ACP2: variants seen among roughly 807,000 people sequenced by gnomAD.
ACP2 encodes lysosomal acid phosphatase.
A neutral mutation model predicts 54.7 loss-of-function variants in ACP2; 35 were observed. The observed-to-expected ratio is 0.64, with a 90% CI of 0.49 to 0.85. ACP2 has a LOEUF of 0.85. Among genes scored for constraint, ACP2 ranks in the 40% least tolerant of loss-of-function variants. The pLI is 0.00. For synonymous variants in ACP2, 210 were observed against 224.4 expected (o/e 0.94, Z 0.57); for missense variants, 492 against 565.0 (o/e 0.87, Z 1.31).
rs1388226509 is a variant in ACP2, at chr11:47,243,121, C to T, written c.859G>A (p.Asp287Asn). The change falls in exon 9 of 11, where the codon GAC (aspartate) becomes AAC (asparagine). Residue 287 changes from aspartate to asparagine, a missense_variant. Transcript: ENST00000672073. Reference protein sequence around the residue: ...LPKLLVYSAHDTTLVALQMAL... With the variant: ...LPKLLVYSAHNTTLVALQMAL... ...ATTTGCAGGGCAACCAGGGTAGTGT[C>T]GTGCTGCGGGGGAGAGGGGCTGCCC... 6.8e-6 allele frequency: 11 copies of T among 1,614,092 alleles called. No individual in the cohort carries two copies. Among genetic ancestry groups the T allele is most frequent in the African/African-American group, 4.0e-5 (3 of 74,950 alleles).
chr11:47,246,575 A>G (rs1954101490), intron 3 of ACP2, among the ~76,000 whole-genome samples: 1 of 151,760 alleles, frequency 6.6e-6, no homozygotes, highest in Non-Finnish European at 1.5e-5. Flanking sequence ...ACCCCTTTAA[A>G]ATATATGTAT....
chr11:47,245,774 C>T lies in ACP2; in HGVS notation c.358G>A (p.Gly120Arg), dbSNP rs1211109812. 1 of 1,612,148 alleles carries T rather than the reference C, an allele frequency of 6.2e-7. No individual in the cohort carries two copies. The highest frequency in any genetic ancestry group is 8.5e-7 in the Non-Finnish European group (1 of 1,178,950). The change falls in exon 4 of 11, where the codon GGA (glycine) becomes AGA (arginine). Residue 120 changes from glycine to arginine, a missense_variant. Transcript: ENST00000672073. ...TGCATCCCGTTGGGAGGGAAGAGTC[C>T]AGCCAGGTTGGCCTCAGCACTCATG... Reference protein sequence around the residue: ...TLMSAEANLAGLFPPNGMQRF... With the variant: ...TLMSAEANLARLFPPNGMQRF...
In ACP2 at chr11:47,240,122, G is replaced by A. The variant is rs147453428; in HGVS notation, c.1266C>T (p.His422=). The A allele has an allele frequency of 4.1e-4, 665 of 1,613,322 alleles. No homozygotes were observed. The highest frequency in any genetic ancestry group is 5.0e-4 in the Non-Finnish European group (590 of 1,179,834). The change falls in exon 11 of 11, where the codon CAC becomes CAT. Residue 422 remains histidine, a synonymous_variant. Coordinates refer to ENST00000672073, the MANE Select transcript of ACP2 (RefSeq NM_001610.4). Reference sequence around the variant, plus strand: ...GAAGGGGGCTGAGTGGTTGTCAGGCGTGGTCCTCCCCATCTGCGACGTGGC... The same window carrying A: ...GAAGGGGGCTGAGTGGTTGTCAGGCATGGTCCTCCCCATCTGCGACGTGGC... ...GYRHVADGED[H]A is the part of the protein sequence containing the mutation.
At chr11:47,248,274 G>C in intron 1 of ACP2, 141 bp from the exon 2 acceptor site, 1 of 1,029,946 alleles carries the variant, frequency 9.7e-7, no homozygotes, top group Non-Finnish European at 1.4e-6. Context: ...CCAGCTAGGA[G>C]TCAGTCACTT....
In ACP2 at chr11:47,245,748, C is replaced by T; in HGVS notation, c.384G>A (p.Gln128=). The change falls in exon 4 of 11, where the codon CAG becomes CAA. Residue 128 remains glutamine (Q), a synonymous_variant. Coordinates refer to ENST00000672073, the MANE Select transcript of ACP2 (RefSeq NM_001610.4). ...GCCACGAGATGTTCGGGTTGAAGCG[C>T]TGCATCCCGTTGGGAGGGAAGAGTC... is the stretch of plus-strand genomic sequence containing the variant. ...LAGLFPPNGM[Q]RFNPNISWQP... 6.2e-7 allele frequency: 1 copy of T among 1,613,650 alleles called. No individual in the cohort carries two copies. The highest frequency in any genetic ancestry group is 1.1e-5 in the South Asian group (1 of 90,972).
intron 5 of ACP2, 35 bp downstream of exon 5, chr11:47,245,439 A>T (rs768511268): frequency 6.2e-7 from 1 of 1,614,210 alleles, no homozygotes; most frequent in Non-Finnish European, 8.5e-7. Context: ...TGGGGAAAAG[A>T]CAGCGTGGTG....
chr11:47,239,786 C>T lies in ACP2; in HGVS notation c.*330G>A, dbSNP rs770209587. On this transcript the variant is annotated 3_prime_UTR_variant, in exon 11 of 11. Coordinates refer to ENST00000672073, the MANE Select transcript of ACP2 (RefSeq NM_001610.4). ...GGCTTGATAGAAGTGCAAGGTGGAT[C>T]CAGCACCAACTCTGCCATTTTCTAA... 2 of 284,336 alleles carry T rather than the reference C, an allele frequency of 7.0e-6. No homozygotes were observed. The highest frequency in any genetic ancestry group is 4.4e-5 in the African/African-American group (2 of 45,766). The allele number at this position is 284,336 out of a possible 1,614,324, so 17.6% of individuals were successfully genotyped here. A position where few individuals can be genotyped will look rare whatever the true frequency, so the allele number is the denominator to read the frequency against.
intron 1 of ACP2, 25 bp downstream of exon 1, chr11:47,248,651 C>T (rs766547026): frequency 6.3e-7 from 1 of 1,597,824 alleles, no homozygotes; most frequent in East Asian, 2.3e-5. Context: ...TCAGGGAAGT[C>T]TTTGGTGAGC....
chr11:47,248,386 G>T, intron 1 of ACP2: 2 of 1,478,198 alleles, frequency 1.4e-6, no homozygotes, highest in Non-Finnish European at 1.8e-6. Context: ...TGAAAGCAAC[G>T]TATGTGGTGG....
chr11:47,247,751 G>C, intron 2 of ACP2, 24 bp from the exon 3 acceptor site: 1 of 1,607,198 alleles, frequency 6.2e-7, no homozygotes, highest in Non-Finnish European at 8.5e-7. Context: ...CAAGGGTTAA[G>C]AGGGTCTAGA....
At chr11:47,242,575 G>C in intron 10 of ACP2, 148 bp downstream of exon 10, 1 of 841,450 alleles carries the variant, frequency 1.2e-6, no homozygotes, top group Non-Finnish European at 1.9e-6. Context: ...GAGAAGTGGG[G>C]AGAAGGTATA....
At position 47,248,138 on chromosome 11, in the gene ACP2, G is replaced by A; in HGVS notation, c.115-5C>T. On this transcript the variant is annotated splice_region_variant and splice_polypyrimidine_tract_variant and intron_variant, in intron 1 of 10. Transcript: ENST00000672073. ...ACGGTCTCCATGGCGGTACAGCTGA[G>A]AGAATAAAATGGTTTGCCTATAGGT... 1 of 1,595,658 alleles carries A rather than the reference G, an allele frequency of 6.3e-7. No individual in the cohort carries two copies. The highest frequency in any genetic ancestry group is 1.1e-5 in the South Asian group (1 of 87,860).
chr11:47,243,695 TG>T (rs1953955766), intron 7 of ACP2, among the ~76,000 whole-genome samples: 1 of 152,128 alleles, frequency 6.6e-6, no homozygotes, highest in African/African-American at 2.4e-5. Context: ...CAAAAAGGTG[TG>T]ACAGCAGGCA....
rs905400007 is a variant in ACP2 at position 47,239,725 on chromosome 11, T to C, written c.*391A>G. The C allele has an allele frequency of 2.8e-5, 5 of 175,962 alleles. No individual in the cohort carries two copies. Among genetic ancestry groups the C allele is most frequent in the African/African-American group, 1.2e-4 (5 of 42,268 alleles). The allele number at this position is 175,962 out of a possible 1,614,324, so 10.9% of individuals were successfully genotyped here. A position where few individuals can be genotyped will look rare whatever the true frequency, so the allele number is the denominator to read the frequency against. On this transcript the variant is annotated 3_prime_UTR_variant, in exon 11 of 11. Transcript: ENST00000672073. ...GGCAAGACCGTGTCCCTCTGAGCTATTTGCCGAAGACTTCAGGCTGGAGGA... is the reference window on the plus strand; with the variant it reads ...GGCAAGACCGTGTCCCTCTGAGCTACTTGCCGAAGACTTCAGGCTGGAGGA...
chr11:47,242,054 T>C (rs542062524), intron 10 of ACP2, among the ~76,000 whole-genome samples: 5 of 152,220 alleles, frequency 3.3e-5, no homozygotes, highest in African/African-American at 1.2e-4. Flanking sequence ...ATCCGTTCTT[T>C]AGTGAGGAAG....
In ACP2 at chr11:47,248,124, G is replaced by A. The variant is rs2135546338; in HGVS notation, c.124C>T (p.His42Tyr). 6.2e-7 allele frequency: 1 copy of A among 1,606,438 alleles called. No individual in the cohort carries two copies. The highest frequency in any genetic ancestry group is 8.5e-7 in the Non-Finnish European group (1 of 1,177,594). ...SLRFVTLLYR[H>Y]GDRSPVKTYP... ...GTCTTCACTGGTGAACGGTCTCCAT[G>A]GCGGTACAGCTGAGAGAATAAAATG... Residue 42 changes from histidine (H) to tyrosine (Y), a missense_variant, in exon 2 of 11, where the codon CAT becomes TAT. By Grantham distance (83) the His-to-Tyr change is moderately conservative (BLOSUM62 2). Transcript: ENST00000672073.
Position 47,248,695 on chromosome 11 carries a change from C to G in ACP2, c.95G>C (p.Ser32Thr), listed in dbSNP as rs967807605. 2.2e-5 allele frequency: 35 copies of G among 1,612,028 alleles called. No individual in the cohort carries two copies. Among genetic ancestry groups the G allele is most frequent in the Non-Finnish European group, 3.0e-5 (35 of 1,179,288 alleles). Residue 32 changes from serine to threonine, a missense_variant, in exon 1 of 11, where the codon AGT becomes ACT. Physicochemically the swap from Ser to Thr is moderately conservative, Grantham distance 58. Transcript: ENST00000672073. ...LVVMPPTRARSLRFVTLLYRH... is the reference protein window; with the variant it reads ...LVVMPPTRARTLRFVTLLYRH... ...CATTACCAAGGTAACGAAGCGCAGACTCCGGGCCCGGGTGGGCGGCATCAC... is the reference window on the plus strand; with the variant it reads ...CATTACCAAGGTAACGAAGCGCAGAGTCCGGGCCCGGGTGGGCGGCATCAC...
At position 47,242,841 on chromosome 11, in the gene ACP2, G is replaced by A. The variant is rs1953923854; in HGVS notation, c.1020C>T (p.Leu340=). ...RNESDKAPWP[L]SLPGCPHRCP... is the part of the protein sequence containing the mutation. ...AGCGGTGAGGGCAGCCAGGCAGGCTGAGCGGCCAGGGGGCCTTGTCACTCT... is the reference window on the plus strand; with the variant it reads ...AGCGGTGAGGGCAGCCAGGCAGGCTAAGCGGCCAGGGGGCCTTGTCACTCT... Residue 340 remains leucine, a synonymous_variant, in exon 10 of 11, where the codon CTC becomes CTT. Coordinates refer to ENST00000672073, the MANE Select transcript of ACP2 (RefSeq NM_001610.4). 1.2e-6 allele frequency: 2 copies of A among 1,614,016 alleles called. No homozygotes were observed. Among genetic ancestry groups the A allele is most frequent in the Admixed American group, 1.7e-5 (1 of 60,012 alleles).
chr11:47,248,622 G>A (rs1954330877), intron 1 of ACP2, 54 bp downstream of exon 1: 1 of 1,569,642 alleles, frequency 6.4e-7, no homozygotes, highest in African/African-American at 1.4e-5. Flanking sequence ...TCCACCAGCT[G>A]GCCTTTGCCC....
Sources: gnomAD v4.1 joint callset for allele counts (sites outside exome capture counted in the v4.1 genomes callset) on GRCh38, gnomAD v4.1.1 for gene constraint, MANE v1.5 for transcripts, NCBI Gene and HGNC (gene_info 2026-07-23, HGNC 2026-07-21) for gene names.